Variants in PPM1A observed in about 807,000 individuals in gnomAD.
The protein encoded by PPM1A is protein phosphatase 1A.
In PPM1A, 7 loss-of-function variants were observed where a neutral mutation model predicts 35.0. That is an observed-to-expected ratio of 0.20 (90% CI 0.11 to 0.38). The LOEUF is 0.38. Among genes scored for constraint, PPM1A ranks in the 10% least tolerant of loss-of-function variants. The pLI is 1.00. For synonymous variants in PPM1A, 153 were observed against 167.3 expected, an observed-to-expected ratio of 0.91 and a Z score of 0.66; for missense variants, 239 against 467.8, an observed-to-expected ratio of 0.51 and a Z score of 4.51.
chr14:60,252,548 A>G (rs1882559821), intron 1 of PPM1A, among the ~76,000 whole-genome samples: 1 of 152,190 alleles, frequency 6.6e-6, no homozygotes, highest in Non-Finnish European at 1.5e-5. Context: ...AGGTATAGTG[A>G]GGCAACTGGG....
At chr14:60,281,809 CTGTCACTAGACCCTT>C (rs2139526003) in intron 1 of PPM1A, among the ~76,000 whole-genome samples, 1 of 152,300 alleles carries the variant, frequency 6.6e-6, no homozygotes, top group South Asian at 2.1e-4. Flanking sequence ...GTCAGCAGGG[CTGTCACTAGACCCTT>C]TGATCTTCTT....
At chr14:60,257,069 A>G (rs1883218853) in intron 1 of PPM1A, among the ~76,000 whole-genome samples, 1 of 152,196 alleles carries the variant, frequency 6.6e-6, no homozygotes. Flanking sequence ...TTTTAATATT[A>G]AAAAAGCATA....
chr14:60,263,142 T>C (rs1306318388), intron 1 of PPM1A, among the ~76,000 whole-genome samples: 3 of 152,008 alleles, frequency 2.0e-5, no homozygotes, highest in Admixed American at 1.3e-4. Flanking sequence ...TGCTTGAACC[T>C]GGGAGGTGGA....
intron 1 of PPM1A, among the ~76,000 whole-genome samples, chr14:60,272,810 C>T (rs898319560): frequency 6.0e-5 from 9 of 151,046 alleles, no homozygotes; most frequent in African/African-American, 2.2e-4. Flanking sequence ...TGAACCTTTA[C>T]TCTTAGAACT....
intron 1 of PPM1A, among the ~76,000 whole-genome samples, chr14:60,279,090 T>C (rs1306146928): frequency 2.0e-5 from 3 of 152,316 alleles, no homozygotes; most frequent in East Asian, 3.9e-4. Flanking sequence ...ATTTACTTAC[T>C]TTTATCACCT....
Position 60,285,667 on chromosome 14 carries a change from A to G in PPM1A, c.878A>G (p.Asn293Ser), listed in dbSNP as rs746178315. 5 of 1,614,060 alleles carry G rather than the reference A, an allele frequency of 3.1e-6. No homozygotes were observed. The highest frequency in any genetic ancestry group is 4.2e-6 in the Non-Finnish European group (5 of 1,179,940). The part of the protein sequence containing the change: ...NMSVILICFP[N>S]APKVSPEAVK... ...AGTGTGATTTTGATCTGTTTTCCAA[A>G]TGCACCCAAAGTATCGCCAGAAGCA... The change falls in exon 3 of 6, where the codon AAT becomes AGT. Residue 293 changes from asparagine (N) to serine (S), a missense_variant. Asn to Ser is a conservative substitution (Grantham distance 46). Transcript: ENST00000395076.
At chr14:60,287,652 C>T (rs912573105) in intron 3 of PPM1A, 1 of 985,190 alleles carries the variant, frequency 1.0e-6, no homozygotes, top group East Asian at 1.1e-4. Context: ...TTTGGCTTCT[C>T]TGTCCACACC....
chr14:60,270,142 G>A (rs1884911582), intron 1 of PPM1A, among the ~76,000 whole-genome samples: 1 of 152,082 alleles, frequency 6.6e-6, no homozygotes, highest in Non-Finnish European at 1.5e-5. Flanking sequence ...CATACTGGAT[G>A]ATTTTTGTCC....
chr14:60,286,527 AC>A, intron 3 of PPM1A: 1 of 985,280 alleles, frequency 1.0e-6, no homozygotes, highest in Non-Finnish European at 1.2e-6. Flanking sequence ...TAGAAAAAAA[AC>A]AAGAAAAAAA....
Position 60,249,335 on chromosome 14 carries a change from G to A in PPM1A, c.-363G>A. 1 of 968,620 alleles carries A rather than the reference G, an allele frequency of 1.0e-6. No homozygotes were observed. Among genetic ancestry groups the A allele is most frequent in the Non-Finnish European group, 1.2e-6 (1 of 825,984 alleles). The allele number at this position is 968,620 out of a possible 1,614,324, so 60.0% of individuals were successfully genotyped here. On this transcript the variant is annotated 5_prime_UTR_variant, in exon 1 of 6. Transcript: ENST00000395076. The surrounding 1 kb of genome is among the most constrained non-coding windows in gnomAD (Gnocchi z 4.5). ...AGCTTCGGGTCCTCAGGCGGCTGTTGCTCCGGAACGGGTGGTTGGGGAGGG... is the reference window on the plus strand; with the variant it reads ...AGCTTCGGGTCCTCAGGCGGCTGTTACTCCGGAACGGGTGGTTGGGGAGGG...
chr14:60,267,062 T>A (rs75758025), intron 1 of PPM1A, among the ~76,000 whole-genome samples: 4,024 of 152,302 alleles, frequency 0.026, 158 homozygotes, highest in African/African-American at 0.091. Context: ...TCAAATAATC[T>A]TATTGAGTAT....
chr14:60,289,602 G>A lies in PPM1A; in HGVS notation c.953-204G>A, dbSNP rs144512051. On this transcript the variant is annotated intron_variant, in intron 3 of 5. Coordinates refer to ENST00000395076, the MANE Select transcript of PPM1A (RefSeq NM_021003.5). The surrounding 1 kb of genome is among the most constrained non-coding windows in gnomAD (Gnocchi z 4.1). The stretch of plus-strand genomic sequence containing the variant: ...TTTCACATTTTAATTTTGATTTGAA[G>A]TTAATCTTATATGTCATTTTGTGCA... Among the ~76,000 whole-genome samples, 8 of 150,594 alleles carry A rather than the reference G, an allele frequency of 5.3e-5. No homozygotes were observed. The highest frequency in any genetic ancestry group is 5.3e-4 in the Admixed American group (8 of 15,126).
rs1888039963 is a variant in PPM1A, at chr14:60,296,023, G to C, written c.*3541G>C. The C allele has an allele frequency of 6.6e-6, 1 of 151,658 alleles. No homozygotes were observed. The allele number at this position is 151,658 out of a possible 1,614,324, so 9.4% of individuals were successfully genotyped here. On this transcript the variant is annotated 3_prime_UTR_variant, in exon 6 of 6. Coordinates refer to ENST00000395076, the MANE Select transcript of PPM1A (RefSeq NM_021003.5). This position sits in a 1 kb window ranked among gnomAD's most constrained non-coding sequence, Gnocchi z 4.4. Reference sequence around the variant, plus strand: ...ACGGCCTTTATTCTTCCTGCTGACAGCAGTAACTCAGAGGAATAGGTAGTA... The same window carrying C: ...ACGGCCTTTATTCTTCCTGCTGACACCAGTAACTCAGAGGAATAGGTAGTA...
In PPM1A at chr14:60,283,327, A is replaced by G; in HGVS notation, c.624A>G (p.Lys208=). Reference sequence around the variant, plus strand: ...TTGATTACAAATGTGTCCATGGAAAAGGTCCTACTGAGCAGCTTGTCTCAC... The same window carrying G: ...TTGATTACAAATGTGTCCATGGAAAGGGTCCTACTGAGCAGCTTGTCTCAC... ...GDFDYKCVHG[K]GPTEQLVSPE... is the part of the protein sequence containing the mutation. The change falls in exon 2 of 6, where the codon AAA becomes AAG. Residue 208 remains lysine (K), a synonymous_variant. Transcript: ENST00000395076. This position sits in a 1 kb window ranked among gnomAD's most constrained non-coding sequence, Gnocchi z 6.3. The G allele has an allele frequency of 6.2e-7, 1 of 1,614,200 alleles. No homozygotes were observed.
At position 60,296,731 on chromosome 14, in the gene PPM1A, C is replaced by T. The variant is rs902618925; in HGVS notation, c.*4249C>T. On this transcript the variant is annotated 3_prime_UTR_variant, in exon 6 of 6. Transcript: ENST00000395076. The surrounding 1 kb of genome is among the most constrained non-coding windows in gnomAD (Gnocchi z 4.4). Reference sequence around the variant, plus strand: ...GAATACATTTTCAAAATGTATAATACTGTATTGTTTTGTTGATCAGAATAA... The same window carrying T: ...GAATACATTTTCAAAATGTATAATATTGTATTGTTTTGTTGATCAGAATAA... 2.9e-5 allele frequency: 10 copies of T among 348,954 alleles called. No individual in the cohort carries two copies. Among genetic ancestry groups the T allele is most frequent in the Admixed American group, 2.4e-4 (5 of 20,624 alleles). 21.6% of individuals were successfully genotyped at this position (348,954 alleles called of 1,614,324 possible). A position where few individuals can be genotyped will look rare whatever the true frequency, so the allele number is the denominator to read the frequency against.
In PPM1A at chr14:60,282,556, C is replaced by A; in HGVS notation, c.-20-128C>A. The A allele has an allele frequency of 1.7e-6, 2 of 1,196,410 alleles. No individual in the cohort carries two copies. The highest frequency in any genetic ancestry group is 2.5e-5 in the East Asian group (1 of 39,438). The allele number at this position is 1,196,410 out of a possible 1,614,324, so 74.1% of individuals were successfully genotyped here. Reference sequence around the variant, plus strand: ...TAATCTCCAGATTCCAAGTCAGCAACACAATGAATGTCTGCTTATCGCGAG... The same window carrying A: ...TAATCTCCAGATTCCAAGTCAGCAAAACAATGAATGTCTGCTTATCGCGAG... On this transcript the variant is annotated intron_variant, in intron 1 of 5. Transcript: ENST00000395076. The surrounding 1 kb of genome is among the most constrained non-coding windows in gnomAD (Gnocchi z 5.1).
chr14:60,279,099 C>A (rs1278433214), intron 1 of PPM1A, among the ~76,000 whole-genome samples: 1 of 152,086 alleles, frequency 6.6e-6, no homozygotes, highest in Non-Finnish European at 1.5e-5. Context: ...CTTTTATCAC[C>A]TGGGATGCAC....
upstream of PPM1A, chr14:60,245,756 T>A (rs1180781025): frequency 5.2e-6 from 6 of 1,147,276 alleles, no homozygotes; most frequent in Non-Finnish European, 7.3e-6. This position sits in a 1 kb window ranked among gnomAD's most constrained non-coding sequence, Gnocchi z 4.2. Context: ...TCTCATAATG[T>A]ATTATGATGT....
chr14:60,286,948 G>C, intron 3 of PPM1A: 6 of 889,664 alleles, frequency 6.7e-6, no homozygotes, highest in Non-Finnish European at 8.1e-6. Flanking sequence ...GTTATTTATA[G>C]GTATAGTACA....
Sources: gnomAD v4.1 joint callset for allele counts (sites outside exome capture counted in the v4.1 genomes callset) on GRCh38, gnomAD v4.1.1 for gene constraint, Gnocchi (gnomAD v3.1) non-coding constraint, MANE v1.5 for transcripts, NCBI Gene and HGNC (gene_info 2026-07-23, HGNC 2026-07-21) for gene names.